The following GLTP variants were observed in gnomAD, a reference collection of about 807,000 sequenced individuals.
The protein encoded by GLTP is glycolipid transfer protein.
A neutral mutation model predicts 24.0 loss-of-function variants in GLTP; 22 were observed. The ratio of observed to expected loss-of-function variants is 0.92; its 90% CI spans 0.65 to 1.31. The LOEUF (loss-of-function observed/expected upper bound fraction) is 1.31. GLTP is among the 50% of genes most tolerant of loss of function. The pLI is 0.00. For missense variants in GLTP, 224 were observed against 276.6 expected (o/e 0.81, Z 1.35); for synonymous variants, 92 against 115.9 (o/e 0.79, Z 1.33).
In GLTP at chr12:109,857,748, A is replaced by C; in HGVS notation, c.163-89T>G. 1 of 1,314,880 alleles carries C rather than the reference A, an allele frequency of 7.6e-7. No individual in the cohort carries two copies. Among genetic ancestry groups the C allele is most frequent in the Admixed American group, 1.7e-5 (1 of 59,408 alleles). The allele number at this position is 1,314,880 out of a possible 1,614,324, so 81.5% of individuals were successfully genotyped here. A position where few individuals can be genotyped will look rare whatever the true frequency, so the allele number is the denominator to read the frequency against. On this transcript the variant is annotated intron_variant, in intron 2 of 4. Coordinates refer to ENST00000318348, the MANE Select transcript of GLTP (RefSeq NM_016433.4). This position sits in a 1 kb window ranked among gnomAD's most constrained non-coding sequence, Gnocchi z 4.3. ...GCTGGGTGAAAAGCACCCTACCGGC[A>C]TCTCCTGCTCCTTCCTGCCCTCCAG...
At chr12:109,870,937 A>G (rs1868701013) in intron 1 of GLTP, among the ~76,000 whole-genome samples, 1 of 152,164 alleles carries the variant, frequency 6.6e-6, no homozygotes, top group Non-Finnish European at 1.5e-5. Flanking sequence ...AAAAGCTCAG[A>G]TACAGTTAAC....
At chr12:109,877,466 T>C (rs1241273395) in intron 1 of GLTP, among the ~76,000 whole-genome samples, 12 of 152,152 alleles carry the variant, frequency 7.9e-5, no homozygotes, top group Non-Finnish European at 1.5e-4. Flanking sequence ...AGAGGTGATT[T>C]TGCCTCCCTG....
chr12:109,853,688 A>T (rs1419796803), intron 4 of GLTP, among the ~76,000 whole-genome samples: 1 of 133,994 alleles, frequency 7.5e-6, no homozygotes, highest in African/African-American at 3.0e-5. Flanking sequence ...ACTCCGTTTC[A>T]AAAAAAAAAA....
In GLTP at chr12:109,857,007, C is replaced by A. The variant is rs1171322940; in HGVS notation, c.296+519G>T. On this transcript the variant is annotated intron_variant, in intron 3 of 4. Transcript: ENST00000318348. The surrounding 1 kb of genome is among the most constrained non-coding windows in gnomAD (Gnocchi z 4.3). ...CGAGATTGTGCCACTGCACTCCAGC[C>A]TGGGTAACAGAACGGGATTCTAAAA... Among the ~76,000 whole-genome samples the A allele has an allele frequency of 6.6e-6, 1 of 152,166 alleles. No individual in the cohort carries two copies. Among genetic ancestry groups the A allele is most frequent in the African/African-American group, 2.4e-5 (1 of 41,424 alleles).
chr12:109,865,572 G>C (rs1392131858), intron 1 of GLTP, among the ~76,000 whole-genome samples: 1 of 151,726 alleles, frequency 6.6e-6, no homozygotes, highest in East Asian at 1.9e-4. Flanking sequence ...AGGTTACAGT[G>C]AGTTGAGATT....
Position 109,857,812 on chromosome 12 carries a change from G to T in GLTP, c.163-153C>A. ...AAGACTTGTAACAATAACTATGACT[G>T]TTCACATGAGCCAGGATTTGCAAAA... is the stretch of plus-strand genomic sequence containing the variant. On this transcript the variant is annotated intron_variant, in intron 2 of 4. Transcript: ENST00000318348. The surrounding 1 kb of genome is among the most constrained non-coding windows in gnomAD (Gnocchi z 4.3). 2.7e-6 allele frequency: 2 copies of T among 746,608 alleles called. No homozygotes were observed. Among genetic ancestry groups the T allele is most frequent in the South Asian group, 1.7e-5 (1 of 60,066 alleles). The allele number at this position is 746,608 out of a possible 1,614,324, so 46.2% of individuals were successfully genotyped here. A position where few individuals can be genotyped will look rare whatever the true frequency, so the allele number is the denominator to read the frequency against.
intron 1 of GLTP, chr12:109,859,799 A>G (rs566014200): frequency 5.8e-5 from 9 of 155,426 alleles, no homozygotes; most frequent in Admixed American, 3.3e-4. Context: ...AGCTTCATCA[A>G]TATTAACTAC....
chr12:109,863,121 C>A (rs1033627620), intron 1 of GLTP, among the ~76,000 whole-genome samples: 1 of 152,124 alleles, frequency 6.6e-6, no homozygotes, highest in Non-Finnish European at 1.5e-5. Context: ...GATGGATGGA[C>A]AGAGATATGG....
At chr12:109,867,082 T>C (rs1215893680) in intron 1 of GLTP, among the ~76,000 whole-genome samples, 1 of 151,690 alleles carries the variant, frequency 6.6e-6, no homozygotes, top group Non-Finnish European at 1.5e-5. Context: ...CTGGCCAACT[T>C]TGTGTATTTT....
At chr12:109,867,971 G>A (rs750668100) in intron 1 of GLTP, among the ~76,000 whole-genome samples, 5 of 152,096 alleles carry the variant, frequency 3.3e-5, no homozygotes, top group Admixed American at 2.6e-4. Flanking sequence ...TAGAGACAGG[G>A]TTTCACCGTG....
chr12:109,880,447 G>A lies in GLTP; in HGVS notation c.-73C>T, dbSNP rs1388645478. On this transcript the variant is annotated 5_prime_UTR_variant, in exon 1 of 5. The change creates a new upstream start codon in the 5' untranslated region. Coordinates refer to ENST00000318348, the MANE Select transcript of GLTP (RefSeq NM_016433.4). The surrounding 1 kb of genome is among the most constrained non-coding windows in gnomAD (Gnocchi z 5.1). ...CGACACCGCCCCCCCGGCCGCCGCC[G>A]TCAGCGCCGGGGCCGTCACAGCCGC... is the stretch of plus-strand genomic sequence containing the variant. 2.9e-5 allele frequency: 17 copies of A among 596,318 alleles called. No homozygotes were observed. Among genetic ancestry groups the A allele is most frequent in the South Asian group, 4.5e-5 (1 of 22,082 alleles). 36.9% of individuals were successfully genotyped at this position (596,318 alleles called of 1,614,324 possible). A position where few individuals can be genotyped will look rare whatever the true frequency, so the allele number is the denominator to read the frequency against.
chr12:109,870,862 G>A (rs1359669506), intron 1 of GLTP, among the ~76,000 whole-genome samples: 3 of 152,112 alleles, frequency 2.0e-5, no homozygotes, highest in Non-Finnish European at 2.9e-5. Flanking sequence ...CTGCCTAACT[G>A]CCAGGGTGGA....
intron 1 of GLTP, among the ~76,000 whole-genome samples, chr12:109,871,681 T>C (rs1868726418): frequency 6.6e-6 from 1 of 152,216 alleles, no homozygotes; most frequent in Admixed American, 6.5e-5. Context: ...ATCATGAGGA[T>C]TAGAAATGAG....
intron 1 of GLTP, among the ~76,000 whole-genome samples, chr12:109,864,651 C>T (rs1868471817): frequency 6.6e-6 from 1 of 152,124 alleles, no homozygotes; most frequent in Admixed American, 6.6e-5. Context: ...GTGCCAGGAA[C>T]TCAGACACAA....
chr12:109,855,790 G>A lies in GLTP; in HGVS notation c.297-21C>T. On this transcript the variant is annotated intron_variant, in intron 3 of 4. Coordinates refer to ENST00000318348, the MANE Select transcript of GLTP (RefSeq NM_016433.4). This position sits in a 1 kb window ranked among gnomAD's most constrained non-coding sequence, Gnocchi z 4.1. ...GGCCTCTGTGGCCCAGGGAGGAGAAGGTTCGTTAGGACCCTGCACAGCCCT... is the reference window on the plus strand; with the variant it reads ...GGCCTCTGTGGCCCAGGGAGGAGAAAGTTCGTTAGGACCCTGCACAGCCCT... The A allele has an allele frequency of 1.0e-5, 16 of 1,563,388 alleles. No individual in the cohort carries two copies. The highest frequency in any genetic ancestry group is 2.4e-5 in the South Asian group (2 of 82,806).
chr12:109,870,017 T>TA (rs1391588740), intron 1 of GLTP, among the ~76,000 whole-genome samples: 1 of 152,150 alleles, frequency 6.6e-6, no homozygotes, highest in African/African-American at 2.4e-5. Context: ...GTGCTGGGGT[T>TA]ACAGGCATGA....
At position 109,880,192 on chromosome 12, in the gene GLTP, TG is replaced by T. The variant is rs1331321038; in HGVS notation, c.103+79del. The T allele has an allele frequency of 9.9e-6, 8 of 805,584 alleles. No individual in the cohort carries two copies. Among genetic ancestry groups the T allele is most frequent in the Non-Finnish European group, 1.6e-5 (8 of 487,228 alleles). The allele number at this position is 805,584 out of a possible 1,614,324, so 49.9% of individuals were successfully genotyped here. A position where few individuals can be genotyped will look rare whatever the true frequency, so the allele number is the denominator to read the frequency against. Reference sequence around the variant, plus strand: ...TACTTAGGGGTGTCTAGGGCAGAGATGGTTAGGGGATGCTCGGGGGAAGGAG... The same window carrying T: ...TACTTAGGGGTGTCTAGGGCAGAGATGTTAGGGGATGCTCGGGGGAAGGAG... On this transcript the variant is annotated intron_variant, in intron 1 of 4. Transcript: ENST00000318348. This position sits in a 1 kb window ranked among gnomAD's most constrained non-coding sequence, Gnocchi z 5.1.
chr12:109,855,834 G>C lies in GLTP; in HGVS notation c.297-65C>G, dbSNP rs1892789472. On this transcript the variant is annotated intron_variant, in intron 3 of 4. Transcript: ENST00000318348. The surrounding 1 kb of genome is among the most constrained non-coding windows in gnomAD (Gnocchi z 4.1). ...CAGCCCTGTCGTGAAAGACCCTGAT[G>C]GACTCTGAATTTGCCACCTACTGTG... 1.4e-6 allele frequency: 2 copies of C among 1,380,162 alleles called. No homozygotes were observed. The highest frequency in any genetic ancestry group is 3.0e-5 in the African/African-American group (2 of 67,726). 85.5% of individuals were successfully genotyped at this position (1,380,162 alleles called of 1,614,324 possible).
At chr12:109,866,031 G>A (rs939661164) in intron 1 of GLTP, among the ~76,000 whole-genome samples, 1 of 152,126 alleles carries the variant, frequency 6.6e-6, no homozygotes, top group Non-Finnish European at 1.5e-5. Flanking sequence ...AGAGTAGAGA[G>A]TCTGTGTAAC....
Sources: allele counts gnomAD v4.1 joint callset (sites outside exome capture counted in the v4.1 genomes callset), GRCh38; gene constraint gnomAD v4.1.1; non-coding constraint Gnocchi (gnomAD v3.1); transcripts MANE v1.5; gene names NCBI Gene and HGNC (gene_info 2026-07-23, HGNC 2026-07-21).